Variants in MACF1 observed in about 807,000 individuals in gnomAD.
MACF1 encodes microtubule actin crosslinking factor 1, also known as microtubule-actin cross-linking factor 1.
A neutral mutation model predicts 854.8 loss-of-function variants in MACF1; 193 were observed. The ratio of observed to expected loss-of-function variants is 0.23; its 90% confidence interval spans 0.20 to 0.25. The LOEUF is 0.25. Ranked by LOEUF, MACF1 falls within the 10% of genes least tolerant of loss-of-function variation. The pLI is 1.00. For synonymous variants in MACF1, 3,185 were observed against 3,226.7 expected, an observed-to-expected ratio of 0.99 and a Z score of 0.44; for missense variants, 7,722 against 8,929.1, an observed-to-expected ratio of 0.86 and a Z score of 5.45.
intron 58 of MACF1, among the ~76,000 whole-genome samples, chr1:39,407,918 T>G (rs1036016963): frequency 2.6e-5 from 4 of 152,238 alleles, no homozygotes; most frequent in Non-Finnish European, 1.5e-5. Flanking sequence ...ATTGGACCCG[T>G]TCAGAGATGC....
intron 60 of MACF1, among the ~76,000 whole-genome samples, chr1:39,423,551 T>C (rs1416979045): frequency 6.8e-6 from 1 of 147,698 alleles, no homozygotes; most frequent in Non-Finnish European, 1.5e-5. Flanking sequence ...AGAAGAATGG[T>C]GTGAACCTGG....
intron 1 of MACF1, among the ~76,000 whole-genome samples, chr1:39,215,100 A>G (rs1375904669): frequency 1.3e-5 from 2 of 152,100 alleles, no homozygotes; most frequent in Non-Finnish European, 2.9e-5. Flanking sequence ...AGTTGGTGCT[A>G]CTTTTGAACA....
chr1:39,347,015 G>C lies in MACF1; in HGVS notation c.10620G>C (p.Leu3540=), dbSNP rs762856226. 1 of 1,613,898 alleles carries C rather than the reference G, an allele frequency of 6.2e-7. No homozygotes were observed. Among genetic ancestry groups the C allele is most frequent in the South Asian group, 1.1e-5 (1 of 90,988 alleles). The change falls in exon 41 of 101, where the codon CTG becomes CTC. Residue 3540 remains leucine (L), a synonymous_variant. Transcript: ENST00000564288. ...CCATGGCTGAAAGGAAAGCTCAGCT[G>C]GATGCTCTTGCTTTTGATATTCAGT... is the stretch of plus-strand genomic sequence containing the variant. ...KQPMAERKAQ[L]DALAFDIQFF... is the part of the protein sequence containing the mutation.
In MACF1 at chr1:39,197,124, T is replaced by C. The variant is rs139087107; in HGVS notation, c.221-34058T>C. Among the ~76,000 whole-genome samples the C allele has an allele frequency of 3.9e-5, 6 of 152,238 alleles. No individual in the cohort carries two copies. In the East Asian group the frequency reaches 1.2e-3, roughly 29 times the overall value. ...CCAGCCTCTAACCACTTCCTGTAAA[T>C]GACAGCACACAGATCTTAGTTTCAC... On this transcript the variant is annotated intron_variant, in intron 2 of 93. Transcript: ENST00000361689.
intron 44 of MACF1, 76 bp downstream of exon 44, chr1:39,353,307 C>A (rs1647258536): frequency 8.7e-7 from 1 of 1,145,438 alleles, no homozygotes; most frequent in Non-Finnish European, 1.2e-6. Context: ...ATCACCTTGC[C>A]CCTAAATCCA....
At chr1:39,307,901 C>CTTTCTTTCTTTTTTTTTTTT (rs1222230255) in intron 23 of MACF1, among the ~76,000 whole-genome samples, 1 of 50,406 alleles carries the variant, frequency 2.0e-5, no homozygotes, top group African/African-American at 7.6e-5. Flanking sequence ...TTCTTTCTTT[C>CTTTCTTTCTTTTTTTTTTTT]TTTTTTTTTT....
At position 39,331,361 on chromosome 1, in the gene MACF1, A is replaced by T; in HGVS notation, c.4773A>T (p.Glu1591Asp). The T allele has an allele frequency of 6.2e-7, 1 of 1,613,854 alleles. No individual in the cohort carries two copies. Among genetic ancestry groups the T allele is most frequent in the Non-Finnish European group, 8.5e-7 (1 of 1,179,952 alleles). ...MSGLIAPETGENLSLEEGIAR... is the reference protein window; with the variant it reads ...MSGLIAPETGDNLSLEEGIAR... The stretch of plus-strand genomic sequence containing the variant: ...GCCTCATTGCCCCTGAGACGGGTGA[A>T]AACCTCTCTTTGGAGGAGGGCATAG... The change falls in exon 37 of 101, where the codon GAA (glutamate) becomes GAT (aspartate). Residue 1591 changes from glutamate to aspartate, a missense_variant. Transcript: ENST00000564288.
chr1:39,273,485 G>A (rs1645369863), intron 6 of MACF1, among the ~76,000 whole-genome samples: 1 of 152,134 alleles, frequency 6.6e-6, no homozygotes. Flanking sequence ...AGGGAGAGTT[G>A]TTTTACTAAT....
At chr1:39,293,093 C>T (rs759478516) in intron 17 of MACF1, among the ~76,000 whole-genome samples, 2 of 152,180 alleles carry the variant, frequency 1.3e-5, no homozygotes, top group South Asian at 2.1e-4. Context: ...CTTCAACAAA[C>T]GTGTGGCTAT....
intron 24 of MACF1, 82 bp from the exon 25 acceptor site, chr1:39,310,163 A>ATGT (rs1646271701): frequency 1.8e-6 from 2 of 1,109,182 alleles, no homozygotes; most frequent in Non-Finnish European, 2.6e-6. Flanking sequence ...TTTTGTATAT[A>ATGT]TGTTACTTCA....
intron 44 of MACF1, among the ~76,000 whole-genome samples, chr1:39,355,460 C>CTTTTTTTTT (rs56202498): frequency 1.4e-4 from 11 of 81,052 alleles, no homozygotes; most frequent in Non-Finnish European, 2.0e-4. Context: ...TTTTCTTCTG[C>CTTTTTTTTT]TTTTTTTTTT....
Position 39,448,162 on chromosome 1 carries a change from T to G in MACF1, c.20088+10T>G, listed in dbSNP as rs752278495. The G allele has an allele frequency of 6.2e-7, 1 of 1,610,330 alleles. No homozygotes were observed. On this transcript the variant is annotated intron_variant, in intron 83 of 100. Transcript: ENST00000564288. Reference sequence around the variant, plus strand: ...GCTTTCTAAGCATAAGGTAAAGCAGTTAATTGCTCTTAGGTCCCAAGCCAT... The same window carrying G: ...GCTTTCTAAGCATAAGGTAAAGCAGGTAATTGCTCTTAGGTCCCAAGCCAT...
chr1:39,390,550 G>T (rs1364235122), intron 58 of MACF1, among the ~76,000 whole-genome samples: 2 of 152,196 alleles, frequency 1.3e-5, no homozygotes, highest in Non-Finnish European at 2.9e-5. Flanking sequence ...ATAAGGAAAG[G>T]GTAGGTAGAG....
intron 6 of MACF1, among the ~76,000 whole-genome samples, chr1:39,275,139 C>T (rs1045250210): frequency 6.1e-5 from 9 of 148,664 alleles, no homozygotes; most frequent in East Asian, 3.9e-4. Flanking sequence ...AGTGCAGTGG[C>T]GCGATCTCGG....
chr1:39,350,578 A>G (rs1177918242), intron 42 of MACF1, among the ~76,000 whole-genome samples: 1 of 152,256 alleles, frequency 6.6e-6, no homozygotes, highest in African/African-American at 2.4e-5. Flanking sequence ...GTTTATGGAC[A>G]ACCTCCTTTT....
intron 36 of MACF1, 70 bp from the exon 37 acceptor site, chr1:39,331,133 C>A: frequency 6.9e-7 from 1 of 1,449,716 alleles, no homozygotes; most frequent in Non-Finnish European, 9.0e-7. Context: ...TTGTGCTTTG[C>A]CATTGGCTCT....
intron 37 of MACF1, among the ~76,000 whole-genome samples, chr1:39,336,967 G>A (rs537684710): frequency 4.9e-4 from 75 of 152,234 alleles, no homozygotes; most frequent in Admixed American, 1.2e-3. Flanking sequence ...AATGATGCTT[G>A]TAGATTGATA....
chr1:39,102,976 GC>G (rs1463267126), intron 2 of MACF1: 6 of 700,932 alleles, frequency 8.6e-6, no homozygotes, highest in Non-Finnish European at 1.6e-5. Flanking sequence ...AGGAACATCA[GC>G]CAAACATGTG....
intron 1 of MACF1, among the ~76,000 whole-genome samples, chr1:39,220,854 A>G (rs1644643829): frequency 1.3e-5 from 2 of 152,172 alleles, no homozygotes; most frequent in Non-Finnish European, 2.9e-5. Context: ...AAATGGACTT[A>G]GATACAGAGC....
Sources: gnomAD v4.1 joint callset for allele counts (sites outside exome capture counted in the v4.1 genomes callset) on GRCh38, gnomAD v4.1.1 for gene constraint, MANE v1.5 for transcripts, NCBI Gene and HGNC (gene_info 2026-07-23, HGNC 2026-07-21) for gene names.